Variants in PKHD1L1 observed in about 807,000 individuals in gnomAD.
The protein encoded by PKHD1L1 is fibrocystin-L.
A neutral mutation model predicts 462.9 loss-of-function variants in PKHD1L1; 434 were observed. The observed-to-expected ratio is 0.94, with a 90% CI of 0.87 to 1.02. The LOEUF (loss-of-function observed/expected upper bound fraction) is 1.02, where lower values mean the gene tolerates loss of function less well. Ranked by LOEUF, PKHD1L1 falls within the 50% of genes least tolerant of loss-of-function variation. The probability of loss-of-function intolerance (pLI) is 0.00; values close to 1 mark genes in which losing one functional copy is unlikely to be tolerated. For synonymous variants in PKHD1L1, 1,781 were observed against 1,750.0 expected, an observed-to-expected ratio of 1.02 and a Z score of -0.44; for missense variants, 5,202 against 5,096.1, an observed-to-expected ratio of 1.02 and a Z score of -0.63.
At chr8:109,424,771 C>T (rs554531775) in intron 23 of PKHD1L1, among the ~76,000 whole-genome samples, 7 of 152,298 alleles carry the variant, frequency 4.6e-5, no homozygotes, top group East Asian at 1.9e-4. Context: ...GTGATTAGCA[C>T]TGTACCTTGA....
rs897669203 is a variant in PKHD1L1 at position 109,388,481 on chromosome 8, A to G, written c.570-16A>G. 6.7e-7 allele frequency: 1 copy of G among 1,487,352 alleles called. No individual in the cohort carries two copies. The highest frequency in any genetic ancestry group is 9.2e-7 in the Non-Finnish European group (1 of 1,091,718). The allele number at this position is 1,487,352 out of a possible 1,614,324, so 92.1% of individuals were successfully genotyped here. A position where few individuals can be genotyped will look rare whatever the true frequency, so the allele number is the denominator to read the frequency against. The stretch of plus-strand genomic sequence containing the variant: ...TAAACATAACTTGATTTTTTCTAAT[A>G]AAAATATTTGTACAGAGTTTACATT... On this transcript the variant is annotated splice_polypyrimidine_tract_variant and intron_variant, in intron 6 of 77. Coordinates refer to ENST00000378402, the MANE Select transcript of PKHD1L1 (RefSeq NM_177531.6).
At chr8:109,512,627 C>T (rs1026400873) in intron 71 of PKHD1L1, among the ~76,000 whole-genome samples, 249 of 151,990 alleles carry the variant, frequency 1.6e-3, no homozygotes, top group Non-Finnish European at 2.8e-3. Flanking sequence ...AGTCAGGTAG[C>T]ATGATGCCTC....
intron 50 of PKHD1L1, among the ~76,000 whole-genome samples, chr8:109,472,460 G>A (rs182548916): frequency 6.6e-6 from 1 of 152,086 alleles, no homozygotes; most frequent in East Asian, 1.9e-4. Context: ...TAACATTTTA[G>A]CTTTCTTGTC....
chr8:109,518,680 C>G (rs1233872693), intron 73 of PKHD1L1, among the ~76,000 whole-genome samples, 172 bp downstream of exon 73: 2 of 152,090 alleles, frequency 1.3e-5, no homozygotes, highest in Admixed American at 1.3e-4. Context: ...TACTACCAAA[C>G]TGTTTTAGAA....
intron 19 of PKHD1L1, among the ~76,000 whole-genome samples, chr8:109,412,024 G>A (rs886611390): frequency 2.0e-5 from 3 of 152,072 alleles, no homozygotes; most frequent in Admixed American, 6.6e-5. Context: ...CCCGTAAAGA[G>A]CTCACAAAGT....
At chr8:109,516,085 G>A (rs1172071133) in intron 72 of PKHD1L1, among the ~76,000 whole-genome samples, 4 of 152,078 alleles carry the variant, frequency 2.6e-5, no homozygotes, top group Admixed American at 1.3e-4. Flanking sequence ...AATGTTTCCA[G>A]AGACATTACT....
chr8:109,411,170 A>G (rs1446412550), intron 19 of PKHD1L1, among the ~76,000 whole-genome samples: 1 of 152,118 alleles, frequency 6.6e-6, no homozygotes, highest in Admixed American at 6.5e-5. Flanking sequence ...CACTCTGGTT[A>G]ATTAGTACAC....
In PKHD1L1 at chr8:109,394,312, G is replaced by A. The variant is rs147219514; in HGVS notation, c.741-103G>A. ...CTTATCTTCTCCCAAAAGTTCCATC[G>A]TGCTCTTTTGCAGATTATGACATAA... On this transcript the variant is annotated intron_variant, in intron 9 of 77. Coordinates refer to ENST00000378402, the MANE Select transcript of PKHD1L1 (RefSeq NM_177531.6). 964 of 624,208 alleles carry A rather than the reference G, an allele frequency of 1.5e-3. 6 individuals carry two copies. The highest frequency in any genetic ancestry group is 0.013 in the African/African-American group (685 of 53,240). The allele number at this position is 624,208 out of a possible 1,614,324, so 38.7% of individuals were successfully genotyped here.
At chr8:109,418,439 A>G (rs1814296469) in intron 21 of PKHD1L1, among the ~76,000 whole-genome samples, 1 of 152,200 alleles carries the variant, frequency 6.6e-6, no homozygotes, top group Non-Finnish European at 1.5e-5. Flanking sequence ...GATTATTGTT[A>G]AACTATATTT....
chr8:109,488,279 T>C (rs1386166544), intron 59 of PKHD1L1, among the ~76,000 whole-genome samples: 2 of 152,086 alleles, frequency 1.3e-5, no homozygotes, highest in Non-Finnish European at 2.9e-5. Context: ...TTGTTTTGTT[T>C]TTAGTATCAT....
chr8:109,449,294 T>C, intron 39 of PKHD1L1, 44 bp from the exon 40 acceptor site: 1 of 1,512,804 alleles, frequency 6.6e-7, no homozygotes, highest in Non-Finnish European at 8.9e-7. Flanking sequence ...GAAGAAGTTT[T>C]ATTTTAATTA....
intron 2 of PKHD1L1, among the ~76,000 whole-genome samples, chr8:109,372,173 A>C (rs1384988877): frequency 6.6e-6 from 1 of 152,014 alleles, no homozygotes. Flanking sequence ...ATCCTCTTTT[A>C]TTTCATTGAG....
chr8:109,497,310 T>C, intron 65 of PKHD1L1, 38 bp downstream of exon 65: 2 of 1,593,310 alleles, frequency 1.3e-6, no homozygotes, highest in Non-Finnish European at 1.7e-6. Context: ...GAGAAAAAAA[T>C]AACTTGGAGA....
chr8:109,461,863 T>C lies in PKHD1L1; in HGVS notation c.7338T>C (p.Pro2446=), dbSNP rs763406108. The C allele has an allele frequency of 3.1e-6, 5 of 1,605,374 alleles. No homozygotes were observed. Among genetic ancestry groups the C allele is most frequent in the Admixed American group, 3.4e-5 (2 of 58,878 alleles). Residue 2446 remains proline, a synonymous_variant, in exon 48 of 78, where the codon CCT becomes CCC. Transcript: ENST00000378402. ...GAGGCTGCGTTATGTTTCATGCTCC[T>C]GTACCTGGTGCTAACATGGTAACTG... ...QFGGCVMFHA[P]VPGANMVTGR...
chr8:109,465,820 A>G (rs1292502600), intron 49 of PKHD1L1, among the ~76,000 whole-genome samples: 1 of 152,220 alleles, frequency 6.6e-6, no homozygotes, highest in Non-Finnish European at 1.5e-5. Flanking sequence ...ACAAAATTCC[A>G]TATACATTGT....
At position 109,476,576 on chromosome 8, in the gene PKHD1L1, G is replaced by GAGGAATGGTTC; in HGVS notation, c.8827_8837dup (p.Ser2947GlyfsTer8). The GAGGAATGGTTC allele has an allele frequency of 6.4e-7, 1 of 1,566,918 alleles. No homozygotes were observed. Among genetic ancestry groups the GAGGAATGGTTC allele is most frequent in the Non-Finnish European group, 8.7e-7 (1 of 1,148,342 alleles). ...CTGACATGTTTAATATTATTGATAT[G>GAGGAATGGTTC]AGGAATGGTTCCTCAAATCCATTGA... On this transcript the variant is annotated frameshift_variant, in exon 52 of 78. Coordinates refer to ENST00000378402, the MANE Select transcript of PKHD1L1 (RefSeq NM_177531.6). LOFTEE classifies it high-confidence loss of function.
chr8:109,396,092 C>T lies in PKHD1L1; in HGVS notation c.877C>T (p.Arg293Cys), dbSNP rs536145343. Residue 293 changes from arginine to cysteine, a missense_variant, in exon 11 of 78, where the codon CGT becomes TGT. Around this residue, in one of 3 missense-constraint regions of PKHD1L1, gnomAD observed 4,497 missense variants for 4,336.8 expected, o/e 1.04. Coordinates refer to ENST00000378402, the MANE Select transcript of PKHD1L1 (RefSeq NM_177531.6). ...TGGCACCACGCTGACAATAAGTGGG[C>T]GTTTCTTTGATCAGACAGATTTCCC... ...RGGTTLTISG[R>C]FFDQTDFPVR... The T allele has an allele frequency of 1.7e-5, 27 of 1,608,992 alleles. No individual in the cohort carries two copies. The highest frequency in any genetic ancestry group is 8.9e-5 in the East Asian group (4 of 44,722).
intron 77 of PKHD1L1, 35 bp downstream of exon 77, chr8:109,527,055 A>G (rs1586671885): frequency 1.3e-6 from 2 of 1,512,584 alleles, no homozygotes; most frequent in East Asian, 4.6e-5. Flanking sequence ...ATTTCTCCAC[A>G]TGTTGAAGTA....
At chr8:109,387,505 T>C (rs890084664) in intron 6 of PKHD1L1, among the ~76,000 whole-genome samples, 1 of 152,116 alleles carries the variant, frequency 6.6e-6, no homozygotes, top group Non-Finnish European at 1.5e-5. Context: ...AGTTTTTTCA[T>C]CTGTAAAATT....
Sources: allele counts gnomAD v4.1 joint callset (sites outside exome capture counted in the v4.1 genomes callset), GRCh38; gene constraint gnomAD v4.1.1; regional missense constraint gnomAD v4.1.1; transcripts MANE v1.5; gene names NCBI Gene and HGNC (gene_info 2026-07-23, HGNC 2026-07-21).